Variants in FAM53A observed in about 807,000 individuals in gnomAD.
The protein encoded by FAM53A is family with sequence similarity 53 member A.
In FAM53A, 28 loss-of-function variants were observed where a neutral mutation model predicts 26.6. The ratio of observed to expected loss-of-function variants is 1.05; its 90% CI spans 0.78 to 1.45. The LOEUF (loss-of-function observed/expected upper bound fraction) is 1.45, where lower values mean the gene tolerates loss of function less well. Ranked by LOEUF, FAM53A falls within the 40% of genes most tolerant of loss-of-function variation. The probability of loss-of-function intolerance (pLI) is 0.00; values close to 1 mark genes in which losing one functional copy is unlikely to be tolerated. For synonymous variants in FAM53A, 290 were observed against 253.1 expected (o/e 1.15, Z -1.38); for missense variants, 650 against 575.8 (o/e 1.13, Z -1.32).
chr4:1,621,295 G>A lies in FAM53A; in HGVS notation c.432-3184C>T, dbSNP rs543341843. Among the ~76,000 whole-genome samples the A allele has an allele frequency of 3.6e-4, 54 of 151,990 alleles. No homozygotes were observed. The South Asian group carries it at 0.011, about 31-fold the overall frequency. ...ATTTTTTGTATTTTTTAGTAGAGAC[G>A]GGGTTTCACCATGTTAGCCGGGATG... On this transcript the variant is annotated intron_variant, in intron 1 of 1. Transcript: ENST00000489029.
chr4:1,585,333 ATGG>A, the FAM53A span, among the ~76,000 whole-genome samples: 3 of 236 alleles, frequency 0.013, no homozygotes, highest in East Asian at 0.17. Flanking sequence ...CTCAGGCTGG[ATGG>A]AGTACAGTAG....
In FAM53A at chr4:1,657,566, C is replaced by G; in HGVS notation, c.76-98G>C. 3 of 1,023,228 alleles carry G rather than the reference C, an allele frequency of 2.9e-6. No homozygotes were observed. The South Asian group carries it at 4.1e-5, about 14-fold the overall frequency. The allele number at this position is 1,023,228 out of a possible 1,614,324, so 63.4% of individuals were successfully genotyped here. A position where few individuals can be genotyped will look rare whatever the true frequency, so the allele number is the denominator to read the frequency against. Reference sequence around the variant, plus strand: ...CACTGCAGCACGTTCTACCTTTCCCCAGTGTTTTCTTTCTAGTGATTAAAA... The same window carrying G: ...CACTGCAGCACGTTCTACCTTTCCCGAGTGTTTTCTTTCTAGTGATTAAAA... On this transcript the variant is annotated intron_variant, in intron 2 of 4. Transcript: ENST00000308132.
At chr4:1,598,333 C>T in the FAM53A span, among the ~76,000 whole-genome samples, 3 of 152,262 alleles carry the variant, frequency 2.0e-5, no homozygotes, top group Non-Finnish European at 2.9e-5. Flanking sequence ...CAACTCCAAA[C>T]GCTGCGCCTT....
At chr4:1,576,214 A>T in the FAM53A span, among the ~76,000 whole-genome samples, 1 of 152,364 alleles carries the variant, frequency 6.6e-6, no homozygotes, top group Middle Eastern at 3.4e-3. Context: ...GCGCCTATCT[A>T]TCACGCGGCT....
intron 4 of FAM53A, among the ~76,000 whole-genome samples, chr4:1,643,848 T>C (rs1711985710): frequency 6.6e-6 from 1 of 152,184 alleles, no homozygotes; most frequent in East Asian, 1.9e-4. Flanking sequence ...ATTACAAGCA[T>C]GAGCCACCAC....
chr4:1,580,872 C>A, the FAM53A span, among the ~76,000 whole-genome samples: 1 of 45,686 alleles, frequency 2.2e-5, no homozygotes, highest in Non-Finnish European at 4.3e-5. Context: ...ACTCAGGGCC[C>A]CGCCTCCCAC....
the FAM53A span, among the ~76,000 whole-genome samples, chr4:1,609,179 T>C: frequency 6.6e-6 from 1 of 152,170 alleles, no homozygotes; most frequent in East Asian, 1.9e-4. Context: ...AGGATGTGGC[T>C]CTGGCAGGGC....
At chr4:1,597,522 C>T in the FAM53A span, among the ~76,000 whole-genome samples, 81 of 152,354 alleles carry the variant, frequency 5.3e-4, no homozygotes, top group Non-Finnish European at 1.1e-3. Context: ...TGCCCCCTGC[C>T]TGCTCCAGAC....
At chr4:1,657,010 CG>C (rs1713436276) in intron 3 of FAM53A, among the ~76,000 whole-genome samples, 1 of 152,206 alleles carries the variant, frequency 6.6e-6, no homozygotes, top group Non-Finnish European at 1.5e-5. Flanking sequence ...CTCCACTGCA[CG>C]GACAGTGGGT....
intron 2 of FAM53A, among the ~76,000 whole-genome samples, chr4:1,662,076 C>A (rs1029349503): frequency 6.6e-6 from 1 of 152,104 alleles, no homozygotes; most frequent in African/African-American, 2.4e-5. Flanking sequence ...CACCTGTAAT[C>A]CCTGCATTTT....
In FAM53A at chr4:1,630,627, G is replaced by T. The variant is rs891371678; in HGVS notation, c.432-12516C>A. ...AGCCTCACCGCCACTCCCAAGACAG[G>T]CCAGGAGCCTGCTCTAAACACCATC... On this transcript the variant is annotated intron_variant, in intron 1 of 1. Coordinates refer to the FAM53A transcript ENST00000489029. The surrounding 1 kb of genome is among the most constrained non-coding windows in gnomAD (Gnocchi z 4.3). Among the ~76,000 whole-genome samples, 1 of 152,168 alleles carries T rather than the reference G, an allele frequency of 6.6e-6. No homozygotes were observed. Among genetic ancestry groups the T allele is most frequent in the African/African-American group, 2.4e-5 (1 of 41,428 alleles).
At chr4:1,652,158 ACACACACCCCACACGC>A in intron 4 of FAM53A, among the ~76,000 whole-genome samples, 1 of 134,004 alleles carries the variant, frequency 7.5e-6, no homozygotes. Context: ...CACACGTCAC[ACACACACCCCACACGC>A]CACACACACC....
the FAM53A span, among the ~76,000 whole-genome samples, chr4:1,593,180 G>A: frequency 3.3e-5 from 5 of 152,314 alleles, no homozygotes; most frequent in African/African-American, 1.2e-4. Context: ...GGGCATCTGA[G>A]CCTTCCCGAC....
At chr4:1,593,325 AG>A in the FAM53A span, among the ~76,000 whole-genome samples, 5 of 152,006 alleles carry the variant, frequency 3.3e-5, no homozygotes, top group African/African-American at 1.2e-4. Flanking sequence ...AGCCCAGGCC[AG>A]GGGAGGCTGG....
the FAM53A span, among the ~76,000 whole-genome samples, chr4:1,612,483 G>GCA: frequency 6.6e-6 from 1 of 151,924 alleles, no homozygotes; most frequent in Non-Finnish European, 1.5e-5. Context: ...AGGCATGCGC[G>GCA]CACACACACA....
At chr4:1,666,223 C>T (rs1187147036) in intron 2 of FAM53A, among the ~76,000 whole-genome samples, 7 of 139,448 alleles carry the variant, frequency 5.0e-5, no homozygotes. Flanking sequence ...CACCTGCACC[C>T]CCTGTATCTA....
At chr4:1,668,338 A>G (rs1053019899) in intron 2 of FAM53A, among the ~76,000 whole-genome samples, 1 of 152,074 alleles carries the variant, frequency 6.6e-6, no homozygotes, top group Non-Finnish European at 1.5e-5. Context: ...CGGGGTTTCA[A>G]CATGTTGGCC....
intron 1 of FAM53A, among the ~76,000 whole-genome samples, chr4:1,634,106 G>C (rs911792945): frequency 4.6e-5 from 7 of 152,272 alleles, no homozygotes; most frequent in Middle Eastern, 3.4e-3. Flanking sequence ...CAGCCTGTGA[G>C]GGAACCGGGG....
chr4:1,615,779 A>G (rs898723433), downstream of FAM53A, among the ~76,000 whole-genome samples: 1 of 152,254 alleles, frequency 6.6e-6, no homozygotes, highest in Non-Finnish European at 1.5e-5. Flanking sequence ...TCAAGGAGGC[A>G]AATGTGCAAA....
Sources: gnomAD v4.1 joint callset for allele counts (sites outside exome capture counted in the v4.1 genomes callset) on GRCh38, gnomAD v4.1.1 for gene constraint, Gnocchi (gnomAD v3.1) non-coding constraint, MANE v1.5 for transcripts, NCBI Gene and HGNC (gene_info 2026-07-23, HGNC 2026-07-21) for gene names.